The following SORCS1 variants were observed in gnomAD, a reference collection of about 807,000 sequenced individuals.
The protein encoded by SORCS1 is sortilin related VPS10 domain containing receptor 1, also known as VPS10 domain-containing receptor SorCS1.
Under a neutral mutation model 146.1 loss-of-function variants are expected in SORCS1, and 60 were observed. The ratio of observed to expected loss-of-function variants is 0.41; its 90% CI spans 0.33 to 0.51. SORCS1 has a LOEUF of 0.51. Among genes scored for constraint, SORCS1 ranks in the 20% least tolerant of loss-of-function variants. The pLI, the probability that SORCS1 is intolerant of heterozygous loss-of-function variation, is 0.21. For missense variants in SORCS1, 1,352 were observed against 1,487.6 expected (o/e 0.91, Z 1.50); for synonymous variants, 637 against 584.0 (o/e 1.09, Z -1.31).
intron 2 of SORCS1, among the ~76,000 whole-genome samples, chr10:106,868,900 G>C (rs1385302589): frequency 2.0e-5 from 3 of 152,052 alleles, no homozygotes; most frequent in Non-Finnish European, 4.4e-5. Flanking sequence ...ATGAGTCCAG[G>C]AGTTTGTTTT....
chr10:106,993,911 A>G (rs1360390529), intron 1 of SORCS1, among the ~76,000 whole-genome samples: 2 of 151,940 alleles, frequency 1.3e-5, no homozygotes, highest in African/African-American at 4.8e-5. Context: ...CATCTCTACC[A>G]AAAGTACCAA....
At chr10:106,851,967 G>A (rs1182726215) in intron 2 of SORCS1, among the ~76,000 whole-genome samples, 2 of 152,080 alleles carry the variant, frequency 1.3e-5, no homozygotes, top group African/African-American at 4.8e-5. Context: ...AATGTAAATG[G>A]TAATGCGTTT....
intron 5 of SORCS1, among the ~76,000 whole-genome samples, chr10:106,737,659 G>GAA (rs1857052593): frequency 6.6e-6 from 1 of 151,538 alleles, no homozygotes; most frequent in South Asian, 2.1e-4. Flanking sequence ...CAGGAGGCAG[G>GAA]GGTTGCAGTG....
At chr10:106,871,917 G>A (rs980645075) in intron 2 of SORCS1, among the ~76,000 whole-genome samples, 2 of 152,158 alleles carry the variant, frequency 1.3e-5, no homozygotes, top group Non-Finnish European at 2.9e-5. Context: ...AAAACTTGGT[G>A]TAGCAATGTA....
chr10:107,012,314 T>C (rs1175362031), intron 1 of SORCS1, among the ~76,000 whole-genome samples: 1 of 152,186 alleles, frequency 6.6e-6, no homozygotes, highest in South Asian at 2.1e-4. Flanking sequence ...AACTGCAGTG[T>C]AGTATAACAA....
At chr10:106,989,680 GTTTTTTTTTTTTTTT>G in intron 1 of SORCS1, among the ~76,000 whole-genome samples, 1 of 70,372 alleles carries the variant, frequency 1.4e-5, no homozygotes, top group African/African-American at 5.3e-5. Flanking sequence ...GTTTTTTTTT[GTTTTTTTTTTTTTTT>G]TTTTTTTCTG....
chr10:107,027,598 G>A (rs1201705081), intron 1 of SORCS1, among the ~76,000 whole-genome samples: 2 of 152,132 alleles, frequency 1.3e-5, no homozygotes, highest in Admixed American at 1.3e-4. Context: ...TCATCCCCGA[G>A]CAGTCGTATG....
intron 14 of SORCS1, among the ~76,000 whole-genome samples, chr10:106,673,344 G>C (rs1851755589): frequency 1.3e-5 from 2 of 152,054 alleles, no homozygotes; most frequent in Admixed American, 6.5e-5. Context: ...TGTTGGCCAG[G>C]ATGGTCTTGA....
At chr10:107,079,289 A>T (rs1963143686) in intron 1 of SORCS1, among the ~76,000 whole-genome samples, 1 of 152,044 alleles carries the variant, frequency 6.6e-6, no homozygotes, top group Admixed American at 6.5e-5. Flanking sequence ...GGTACCTTTC[A>T]CTAAATATAG....
At chr10:107,006,689 C>A (rs995245044) in intron 1 of SORCS1, among the ~76,000 whole-genome samples, 1 of 152,050 alleles carries the variant, frequency 6.6e-6, no homozygotes, top group Non-Finnish European at 1.5e-5. Flanking sequence ...TGGTGGCGGG[C>A]GCCTGTAGTC....
intron 1 of SORCS1, among the ~76,000 whole-genome samples, chr10:107,146,518 G>C (rs968310766): frequency 6.6e-6 from 1 of 152,112 alleles, no homozygotes; most frequent in African/African-American, 2.4e-5. Context: ...ATGGAGGATC[G>C]AGGCTATGAC....
At chr10:107,059,553 T>A (rs1960977811) in intron 1 of SORCS1, among the ~76,000 whole-genome samples, 1 of 152,132 alleles carries the variant, frequency 6.6e-6, no homozygotes, top group South Asian at 2.1e-4. Context: ...CCAGATTTCC[T>A]GGGAGGTCAT....
At chr10:106,893,048 C>A (rs895620606) in intron 2 of SORCS1, among the ~76,000 whole-genome samples, 5 of 151,810 alleles carry the variant, frequency 3.3e-5, no homozygotes, top group Admixed American at 3.3e-4. Context: ...GTGCCCGCCA[C>A]CACGCCCAGC....
chr10:106,908,608 C>G (rs1250275820), intron 2 of SORCS1, among the ~76,000 whole-genome samples: 1 of 152,132 alleles, frequency 6.6e-6, no homozygotes, highest in African/African-American at 2.4e-5. Flanking sequence ...CCTGCAAGGC[C>G]CAAGCTGGAT....
chr10:107,001,690 G>C (rs995395833), intron 1 of SORCS1, among the ~76,000 whole-genome samples: 6 of 152,082 alleles, frequency 3.9e-5, no homozygotes, highest in African/African-American at 1.4e-4. Context: ...TCTGGAAATC[G>C]TGCCCTCAGG....
At chr10:106,635,142 C>G (rs186979318) in intron 18 of SORCS1, among the ~76,000 whole-genome samples, 1 of 152,306 alleles carries the variant, frequency 6.6e-6, no homozygotes, top group East Asian at 1.9e-4. Flanking sequence ...GTGAACCTAT[C>G]AGTTCCTGTA....
chr10:107,178,650 A>G, the SORCS1 span, among the ~76,000 whole-genome samples: 2 of 151,942 alleles, frequency 1.3e-5, no homozygotes, highest in Non-Finnish European at 2.9e-5. Flanking sequence ...CACCACACCC[A>G]GCTAATTTTT....
chr10:107,002,400 A>G (rs1438063381), intron 1 of SORCS1, among the ~76,000 whole-genome samples: 1 of 152,170 alleles, frequency 6.6e-6, no homozygotes, highest in Non-Finnish European at 1.5e-5. Flanking sequence ...AGCCTGGGAA[A>G]GCTCCTACCT....
At chr10:106,616,747 T>G (rs1847390216) in intron 21 of SORCS1, among the ~76,000 whole-genome samples, 1 of 152,188 alleles carries the variant, frequency 6.6e-6, no homozygotes, top group Non-Finnish European at 1.5e-5. Context: ...CTTAAGGCCT[T>G]TTGATCCTTA....
Sources: gnomAD v4.1 joint callset for allele counts (sites outside exome capture counted in the v4.1 genomes callset) on GRCh38, gnomAD v4.1.1 for gene constraint, MANE v1.5 for transcripts, NCBI Gene and HGNC (gene_info 2026-07-23, HGNC 2026-07-21) for gene names.